Variants in TERF2 observed in about 807,000 individuals in gnomAD.
The protein encoded by TERF2 is telomeric repeat-binding factor 2.
Under a neutral mutation model 56.1 loss-of-function variants are expected in TERF2, and 16 were observed. The ratio of observed to expected loss-of-function variants is 0.29; its 90% CI spans 0.19 to 0.43. TERF2 has a LOEUF of 0.43. Ranked by LOEUF, TERF2 falls within the 20% of genes least tolerant of loss-of-function variation. The pLI, the probability that TERF2 is intolerant of heterozygous loss-of-function variation, is 1.00. For synonymous variants in TERF2, 296 were observed against 282.1 expected (o/e 1.05, Z -0.50); for missense variants, 547 against 712.9 (o/e 0.77, Z 2.65).
At chr16:69,380,080 T>C (rs1396976262) in intron 3 of TERF2, among the ~76,000 whole-genome samples, 1 of 151,952 alleles carries the variant, frequency 6.6e-6, no homozygotes, top group Non-Finnish European at 1.5e-5. Flanking sequence ...ACCCGGCTAA[T>C]TTTTGTATTT....
At chr16:69,371,044 T>C (rs2013554414) in intron 4 of TERF2, among the ~76,000 whole-genome samples, 1 of 151,110 alleles carries the variant, frequency 6.6e-6, no homozygotes, top group South Asian at 2.1e-4. Context: ...GCATAGAGGA[T>C]CTTTGAAAGG....
At chr16:69,379,836 TCTGGTTTAATATAGACGATAG>T (rs2013929690) in intron 3 of TERF2, among the ~76,000 whole-genome samples, 1 of 152,186 alleles carries the variant, frequency 6.6e-6, no homozygotes, top group African/African-American at 2.4e-5. Context: ...CTCTTTAATA[TCTGGTTTAATATAGACGATAG>T]CTGGATGCTC....
At chr16:69,361,089 C>T (rs986325335) in intron 8 of TERF2, among the ~76,000 whole-genome samples, 1 of 151,818 alleles carries the variant, frequency 6.6e-6, no homozygotes, top group Non-Finnish European at 1.5e-5. Flanking sequence ...AAAAAACAGC[C>T]AGGTGTGGTG....
intron 2 of TERF2, among the ~76,000 whole-genome samples, chr16:69,385,110 T>C (rs1390104985): frequency 6.6e-6 from 1 of 152,112 alleles, no homozygotes; most frequent in African/African-American, 2.4e-5. Context: ...GGAAAAAAGA[T>C]GTCCATATGA....
intron 2 of TERF2, 115 bp from the exon 3 acceptor site, chr16:69,384,825 G>A (rs1352448574): frequency 2.0e-6 from 2 of 1,012,392 alleles, no homozygotes; most frequent in Admixed American, 7.2e-5. Context: ...GGTAAGATTT[G>A]CATTTAATTT....
At chr16:69,385,537 TC>T in intron 1 of TERF2, 51 bp from the exon 2 acceptor site, 5 of 1,595,940 alleles carry the variant, frequency 3.1e-6, no homozygotes, top group Non-Finnish European at 3.4e-6. Flanking sequence ...CGACTCCCGG[TC>T]CCCCGGACCC....
intron 3 of TERF2, among the ~76,000 whole-genome samples, chr16:69,374,136 T>C (rs2013679970): frequency 6.6e-6 from 1 of 152,226 alleles, no homozygotes; most frequent in African/African-American, 2.4e-5. Context: ...GCTCAAACTA[T>C]ACTTACTTTC....
chr16:69,365,439 C>T (rs1278249747), intron 7 of TERF2: 1 of 152,376 alleles, frequency 6.6e-6, no homozygotes, highest in Non-Finnish European at 1.5e-5. Context: ...CAACACAGAG[C>T]AGAGGCAGAG....
Position 69,356,076 on chromosome 16 carries a change from T to C in TERF2, c.*822A>G. 2.7e-6 allele frequency: 1 copy of C among 370,540 alleles called. No individual in the cohort carries two copies. The highest frequency in any genetic ancestry group is 5.3e-6 in the Non-Finnish European group (1 of 188,064). 23.0% of individuals were successfully genotyped at this position (370,540 alleles called of 1,614,324 possible). On this transcript the variant is annotated 3_prime_UTR_variant, in exon 10 of 10. Transcript: ENST00000254942. ...GTTGATGTCACGACTGGCTAAAGAGTTTTTAAAGGGAATCTTATTCCACAA... is the reference window on the plus strand; with the variant it reads ...GTTGATGTCACGACTGGCTAAAGAGCTTTTAAAGGGAATCTTATTCCACAA...
At chr16:69,368,654 C>G (rs1013392656) in intron 5 of TERF2, 172 bp from the exon 6 acceptor site, 3 of 1,502,958 alleles carry the variant, frequency 2.0e-6, no homozygotes, top group South Asian at 2.4e-5. Flanking sequence ...ATAAATCAAG[C>G]TTTTTTTATT....
chr16:69,373,874 G>T (rs1485665791), intron 3 of TERF2, among the ~76,000 whole-genome samples: 1 of 150,906 alleles, frequency 6.6e-6, no homozygotes. Context: ...AGATATTTTT[G>T]ATCTTCACAG....
At position 69,366,941 on chromosome 16, in the gene TERF2, G is replaced by A. The variant is rs1238285093; in HGVS notation, c.1206C>T (p.Ser402=). Reference sequence around the variant, plus strand: ...GGCTGTCCTCCTCCAAGACCAATCTGCTTATTGTCATGCGCTTGTTCTTGG... The same window carrying A: ...GGCTGTCCTCCTCCAAGACCAATCTACTTATTGTCATGCGCTTGTTCTTGG... ...LQPKNKRMTI[S]RLVLEEDSQS... Residue 402 remains serine, a synonymous_variant, in exon 7 of 10, where the codon AGC becomes AGT. Coordinates refer to ENST00000254942, the MANE Select transcript of TERF2 (RefSeq NM_005652.5). 1.2e-6 allele frequency: 2 copies of A among 1,614,072 alleles called. No individual in the cohort carries two copies. Among genetic ancestry groups the A allele is most frequent in the Admixed American group, 1.7e-5 (1 of 60,004 alleles).
intron 1 of TERF2, 50 bp downstream of exon 1, chr16:69,385,543 G>T: frequency 7.8e-7 from 1 of 1,280,006 alleles, no homozygotes; most frequent in Non-Finnish European, 1.1e-6. Context: ...CCGGTCCCCC[G>T]GACCCCCTTC....
rs763931882 is a variant in TERF2, at chr16:69,357,546, T to C, written c.1442A>G (p.Asp481Gly). 15 of 1,613,716 alleles carry C rather than the reference T, an allele frequency of 9.3e-6. No individual in the cohort carries two copies. Among genetic ancestry groups the C allele is most frequent in the Non-Finnish European group, 1.3e-5 (15 of 1,179,914 alleles). The change falls in exon 9 of 10, where the codon GAC becomes GGC. Residue 481 changes from aspartate (D) to glycine (G), a missense_variant. Asp to Gly is a moderately conservative substitution (Grantham distance 94). Transcript: ENST00000254942. Reference sequence around the variant, plus strand: ...CTTTTTTGTTATATTGGTTGTACTGTCTTCATCTGGTGCTGCTGGAAAACA... The same window carrying C: ...CTTTTTTGTTATATTGGTTGTACTGCCTTCATCTGGTGCTGCTGGAAAACA... ...LFQVQAAPDE[D>G]STTNITKKQK... is the part of the protein sequence containing the mutation.
chr16:69,369,954 A>C (rs2013502255), intron 5 of TERF2, among the ~76,000 whole-genome samples: 2 of 152,228 alleles, frequency 1.3e-5, no homozygotes, highest in African/African-American at 4.8e-5. Flanking sequence ...AACCATGTGT[A>C]AAGGAGATAA....
At chr16:69,375,027 AG>A (rs1414197220) in intron 3 of TERF2, among the ~76,000 whole-genome samples, 1 of 152,162 alleles carries the variant, frequency 6.6e-6, no homozygotes, top group African/African-American at 2.4e-5. Flanking sequence ...TGTAGCCTTG[AG>A]CTTGGCTCCT....
In TERF2 at chr16:69,368,378, T is replaced by C; in HGVS notation, c.945A>G (p.Ala315=). The change falls in exon 6 of 10, where the codon GCA becomes GCG. Residue 315 remains alanine, a splice_region_variant and synonymous_variant. Coordinates refer to ENST00000254942, the MANE Select transcript of TERF2 (RefSeq NM_005652.5). Reference sequence around the variant, plus strand: ...ATCACAAGAGAGCATCTTTTTACCTTGCGGGTTCTCTGGGTGGCTTTTCCA... The same window carrying C: ...ATCACAAGAGAGCATCTTTTTACCTCGCGGGTTCTCTGGGTGGCTTTTCCA... The part of the protein sequence containing the change: ...GPVEKPPREP[A]RQLRNPPTTI... 2 of 1,613,624 alleles carry C rather than the reference T, an allele frequency of 1.2e-6. No individual in the cohort carries two copies. The highest frequency in any genetic ancestry group is 1.7e-6 in the Non-Finnish European group (2 of 1,179,984).
intron 8 of TERF2, among the ~76,000 whole-genome samples, chr16:69,358,358 G>A (rs2013000088): frequency 6.6e-6 from 1 of 152,134 alleles, no homozygotes; most frequent in African/African-American, 2.4e-5. Flanking sequence ...GTGTTAGCCA[G>A]GGTGGTATCA....
At position 69,356,393 on chromosome 16, in the gene TERF2, G is replaced by A; in HGVS notation, c.*505C>T. ...TGTCATCTCTGCCAAGGACATGGGT[G>A]GACTTGGCTCTGCTTCTTAGCTCCA... On this transcript the variant is annotated 3_prime_UTR_variant, in exon 10 of 10. Transcript: ENST00000254942. 6.4e-6 allele frequency: 2 copies of A among 311,400 alleles called. No homozygotes were observed. The highest frequency in any genetic ancestry group is 2.6e-5 in the South Asian group (1 of 39,204). 19.3% of individuals were successfully genotyped at this position (311,400 alleles called of 1,614,324 possible).
Sources: gnomAD v4.1 joint callset for allele counts (sites outside exome capture counted in the v4.1 genomes callset) on GRCh38, gnomAD v4.1.1 for gene constraint, MANE v1.5 for transcripts, NCBI Gene and HGNC (gene_info 2026-07-23, HGNC 2026-07-21) for gene names.